Variants in KCNN2 observed in about 807,000 individuals in gnomAD.
KCNN2 encodes the protein potassium calcium-activated channel subfamily N member 2, also known as small conductance calcium-activated potassium channel protein 2.
In KCNN2, 24 loss-of-function variants were observed where a neutral mutation model predicts 55.5. The observed-to-expected ratio is 0.43, with a 90% CI of 0.31 to 0.61. KCNN2 has a LOEUF of 0.61. KCNN2 is among the 20% of genes least tolerant of loss of function. The pLI, the probability that KCNN2 is intolerant of heterozygous loss-of-function variation, is 0.08. For missense variants in KCNN2, 754 were observed against 853.6 expected (o/e 0.88, Z 1.45); for synonymous variants, 431 against 336.1 (o/e 1.28, Z -3.09).
chr5:114,304,395 A>T (rs1163917708), intron 2 of KCNN2, among the ~76,000 whole-genome samples: 1 of 152,166 alleles, frequency 6.6e-6, no homozygotes, highest in East Asian at 1.9e-4. Flanking sequence ...ATGTGAATGT[A>T]CCATTTTTGC....
chr5:114,421,153 T>TTCCAAAGC (rs1281307592), intron 3 of KCNN2, among the ~76,000 whole-genome samples: 1 of 151,938 alleles, frequency 6.6e-6, no homozygotes, highest in African/African-American at 2.4e-5. Flanking sequence ...TTCCTTTTTA[T>TTCCAAAGC]AGAATGGTCT....
At chr5:114,294,010 T>C (rs1290009810) in intron 2 of KCNN2, among the ~76,000 whole-genome samples, 1 of 152,174 alleles carries the variant, frequency 6.6e-6, no homozygotes, top group Non-Finnish European at 1.5e-5. Flanking sequence ...CCGATGGTAG[T>C]TTGTATTTCT....
intron 2 of KCNN2, among the ~76,000 whole-genome samples, chr5:114,294,322 G>A (rs1580701452): frequency 6.6e-6 from 1 of 151,782 alleles, no homozygotes; most frequent in Non-Finnish European, 1.5e-5. Flanking sequence ...TTTCTCTTGT[G>A]GGCATTTAGT....
At chr5:114,371,770 A>G (rs1757765140) in intron 2 of KCNN2, among the ~76,000 whole-genome samples, 1 of 152,172 alleles carries the variant, frequency 6.6e-6, no homozygotes, top group Non-Finnish European at 1.5e-5. Context: ...CCCTGATCAC[A>G]TCCTTCTGGA....
intron 1 of KCNN2, among the ~76,000 whole-genome samples, chr5:114,212,094 A>G (rs1313993734): frequency 1.3e-5 from 2 of 152,104 alleles, no homozygotes; most frequent in African/African-American, 4.8e-5. Context: ...CATAATGCCA[A>G]TGAAGAAGAA....
At chr5:114,232,021 G>A (rs938065743) in intron 2 of KCNN2, among the ~76,000 whole-genome samples, 1 of 151,032 alleles carries the variant, frequency 6.6e-6, no homozygotes, top group African/African-American at 2.5e-5. Flanking sequence ...TTAATCTACT[G>A]ATTTTTTTAA....
chr5:114,473,113 A>G lies in KCNN2; in HGVS notation c.1839A>G (p.Lys613=), dbSNP rs745750479. 1 of 1,612,738 alleles carries G rather than the reference A, an allele frequency of 6.2e-7. No homozygotes were observed. The highest frequency in any genetic ancestry group is 8.5e-7 in the Non-Finnish European group (1 of 1,179,364). The change falls in exon 5 of 8, where the codon AAA becomes AAG. Residue 613 remains lysine, a synonymous_variant. Coordinates refer to ENST00000673685, the MANE Select transcript of KCNN2 (RefSeq NM_021614.4). Reference sequence around the variant, plus strand: ...TGGCAAGGAAGCTAGAACTTACCAAAGCAGAAAAACACGTGCACAATTTCA... The same window carrying G: ...TGGCAAGGAAGCTAGAACTTACCAAGGCAGAAAAACACGTGCACAATTTCA... ...AVVARKLELT[K]AEKHVHNFMM...
At chr5:114,243,989 A>G (rs975422969) in intron 2 of KCNN2, among the ~76,000 whole-genome samples, 3 of 152,320 alleles carry the variant, frequency 2.0e-5, no homozygotes, top group South Asian at 2.1e-4. Context: ...GGGTAACTGT[A>G]AGACAACTAC....
intron 2 of KCNN2, among the ~76,000 whole-genome samples, chr5:114,368,440 C>G (rs559747626): frequency 6.6e-6 from 1 of 152,114 alleles, no homozygotes; most frequent in African/African-American, 2.4e-5. Context: ...CCACAGAAAA[C>G]AGGAAAGAGT....
chr5:114,421,096 G>C (rs1333276294), intron 3 of KCNN2, among the ~76,000 whole-genome samples: 1 of 151,836 alleles, frequency 6.6e-6, no homozygotes, highest in Non-Finnish European at 1.5e-5. Context: ...GCTACTTTTC[G>C]ATCTATTTTG....
At chr5:114,378,970 T>C (rs990496462) in intron 2 of KCNN2, among the ~76,000 whole-genome samples, 3 of 152,212 alleles carry the variant, frequency 2.0e-5, no homozygotes, top group Admixed American at 6.5e-5. Context: ...GTATAATTTA[T>C]TAATTTGCTT....
chr5:114,459,485 G>A (rs1761090742), intron 3 of KCNN2, among the ~76,000 whole-genome samples: 1 of 152,154 alleles, frequency 6.6e-6, no homozygotes, highest in Admixed American at 6.5e-5. Context: ...ATCTGTCATA[G>A]ATTAAAAACC....
chr5:114,301,417 G>A (rs971588421), intron 2 of KCNN2, among the ~76,000 whole-genome samples: 2 of 152,062 alleles, frequency 1.3e-5, no homozygotes, highest in South Asian at 2.1e-4. Context: ...CATGCCTCCC[G>A]AGCGCATGTT....
chr5:114,198,460 A>G (rs576112915), intron 1 of KCNN2, among the ~76,000 whole-genome samples: 2 of 100,074 alleles, frequency 2.0e-5, no homozygotes, highest in African/African-American at 6.5e-5. Context: ...ATATATATAC[A>G]TATACACACA....
chr5:114,368,687 C>G (rs1310146482), intron 2 of KCNN2, among the ~76,000 whole-genome samples: 1 of 152,172 alleles, frequency 6.6e-6, no homozygotes, highest in Non-Finnish European at 1.5e-5. Flanking sequence ...GTACAGCAGA[C>G]TTTAGAATAA....
At chr5:114,418,549 C>G (rs918744159) in intron 3 of KCNN2, among the ~76,000 whole-genome samples, 1 of 151,774 alleles carries the variant, frequency 6.6e-6, no homozygotes, top group African/African-American at 2.4e-5. Flanking sequence ...CCATCATTGT[C>G]TGGGATTTGC....
At chr5:114,399,622 T>C (rs1758721803) in intron 2 of KCNN2, among the ~76,000 whole-genome samples, 2 of 152,190 alleles carry the variant, frequency 1.3e-5, no homozygotes, top group South Asian at 2.1e-4. Flanking sequence ...TGGAATGTGA[T>C]AGGGAGAAGT....
chr5:114,222,641 G>A (rs1754164289), intron 2 of KCNN2, among the ~76,000 whole-genome samples: 1 of 152,086 alleles, frequency 6.6e-6, no homozygotes, highest in Non-Finnish European at 1.5e-5. Context: ...TGTGGGTATG[G>A]CACAATTTCA....
intron 2 of KCNN2, among the ~76,000 whole-genome samples, chr5:114,297,351 T>A (rs528522505): frequency 6.6e-6 from 1 of 152,080 alleles, no homozygotes; most frequent in South Asian, 2.1e-4. Context: ...AAATAATTTA[T>A]TAATTATAAA....
Sources: gnomAD v4.1 joint callset for allele counts (sites outside exome capture counted in the v4.1 genomes callset) on GRCh38, gnomAD v4.1.1 for gene constraint, MANE v1.5 for transcripts, NCBI Gene and HGNC (gene_info 2026-07-23, HGNC 2026-07-21) for gene names.